TTLL5: variants seen among roughly 807,000 people sequenced by gnomAD.
The protein encoded by TTLL5 is tubulin polyglutamylase TTLL5.
TTLL5 carries 132 observed loss-of-function variants against 168.4 expected under a neutral mutation model. The ratio of observed to expected loss-of-function variants is 0.78; its 90% CI spans 0.68 to 0.91. The LOEUF (loss-of-function observed/expected upper bound fraction) is 0.91. TTLL5 is among the 40% of genes least tolerant of loss of function. TTLL5 has a pLI of 0.00. For missense variants in TTLL5, 1,545 were observed against 1,581.5 expected, an observed-to-expected ratio of 0.98 and a Z score of 0.39; for synonymous variants, 546 against 558.6, an observed-to-expected ratio of 0.98 and a Z score of 0.32.
chr14:75,864,527 A>C (rs1318765010), intron 29 of TTLL5, among the ~76,000 whole-genome samples: 3 of 152,162 alleles, frequency 2.0e-5, no homozygotes, highest in Non-Finnish European at 4.4e-5. Context: ...ACTGTCTATA[A>C]AATGCCAGAA....
At chr14:75,745,009 T>G in intron 15 of TTLL5, 86 bp from the exon 16 acceptor site, 1 of 1,031,188 alleles carries the variant, frequency 9.7e-7, no homozygotes, top group African/African-American at 1.6e-5. Context: ...AGAAAAATAA[T>G]GATGTTGAGG....
chr14:75,664,101 A>C (rs752840153), intron 2 of TTLL5, among the ~76,000 whole-genome samples: 1 of 152,074 alleles, frequency 6.6e-6, no homozygotes, highest in Non-Finnish European at 1.5e-5. Flanking sequence ...AAAAAAAAGA[A>C]TGATAATGAT....
rs191858255 is a variant in TTLL5 at position 75,745,322 on chromosome 14, T to C, written c.1395+114T>C. On this transcript the variant is annotated intron_variant, in intron 16 of 31. Coordinates refer to ENST00000298832, the MANE Select transcript of TTLL5 (RefSeq NM_015072.5). ...ATGTCTTACATTGAAAAGAGAAAGATTCAAGATTGGAGAAATGTTTTCTCA... is the reference window on the plus strand; with the variant it reads ...ATGTCTTACATTGAAAAGAGAAAGACTCAAGATTGGAGAAATGTTTTCTCA... 349 of 1,240,650 alleles carry C rather than the reference T, an allele frequency of 2.8e-4. No individual in the cohort carries two copies. In the African/African-American group the frequency reaches 4.9e-3, roughly 17 times the overall value. The allele number at this position is 1,240,650 out of a possible 1,614,324, so 76.9% of individuals were successfully genotyped here. A position where few individuals can be genotyped will look rare whatever the true frequency, so the allele number is the denominator to read the frequency against.
intron 3 of TTLL5, 76 bp downstream of exon 3, chr14:75,669,598 C>T: frequency 1.6e-6 from 2 of 1,263,460 alleles, no homozygotes; most frequent in East Asian, 2.4e-5. Flanking sequence ...GTTGATATGA[C>T]ATATATATAG....
chr14:75,904,895 C>G (rs974224169), intron 31 of TTLL5, among the ~76,000 whole-genome samples: 1 of 152,120 alleles, frequency 6.6e-6, no homozygotes, highest in African/African-American at 2.4e-5. Flanking sequence ...TCTATACTTC[C>G]CAATGAACAT....
At chr14:75,846,222 T>A (rs969774043) in intron 28 of TTLL5, among the ~76,000 whole-genome samples, 6 of 152,186 alleles carry the variant, frequency 3.9e-5, no homozygotes, top group African/African-American at 1.4e-4. Context: ...CTTATTTTTT[T>A]AAATAGATAT....
At chr14:75,906,864 T>G (rs1303805102) in intron 31 of TTLL5, among the ~76,000 whole-genome samples, 1 of 152,200 alleles carries the variant, frequency 6.6e-6, no homozygotes, top group Non-Finnish European at 1.5e-5. Flanking sequence ...AATAGTTTGC[T>G]CCTATAATGG....
In TTLL5 at chr14:75,732,335, T is replaced by C. The variant is rs751364673; in HGVS notation, c.1043-3T>C. On this transcript the variant is annotated splice_polypyrimidine_tract_variant and splice_region_variant and intron_variant, in intron 12 of 31. Coordinates refer to ENST00000298832, the MANE Select transcript of TTLL5 (RefSeq NM_015072.5). Reference sequence around the variant, plus strand: ...TGTGTATTGTGTTGTGTTGTATTTCTAGAACTCTATGGCTTTGACGTGCTC... The same window carrying C: ...TGTGTATTGTGTTGTGTTGTATTTCCAGAACTCTATGGCTTTGACGTGCTC... The C allele has an allele frequency of 4.3e-6, 7 of 1,613,252 alleles. No individual in the cohort carries two copies. Among genetic ancestry groups the C allele is most frequent in the South Asian group, 2.2e-5 (2 of 90,956 alleles).
Position 75,776,073 on chromosome 14 carries a change from G to A in TTLL5, c.2283+443G>A, listed in dbSNP as rs541738548. 3.5e-4 allele frequency among the ~76,000 whole-genome samples: 53 copies of A among 152,300 alleles called. No individual in the cohort carries two copies. The South Asian group carries it at 6.2e-3, about 18-fold the overall frequency. On this transcript the variant is annotated intron_variant, in intron 22 of 31. Coordinates refer to ENST00000298832, the MANE Select transcript of TTLL5 (RefSeq NM_015072.5). ...TACAGAATTTTACAGTCAAGCCCAA[G>A]AAATATACTATTTAATTAGAATATT...
intron 31 of TTLL5, among the ~76,000 whole-genome samples, chr14:75,919,207 AAAAAAAAAAAAAAAGG>A (rs2033732852): frequency 6.7e-6 from 1 of 149,714 alleles, no homozygotes; most frequent in Non-Finnish European, 1.5e-5. Flanking sequence ...CAAAAAAAAA[AAAAAAAAAAAAAAAGG>A]AAAAAGAAAA....
chr14:75,886,374 AT>A (rs1183367750), intron 30 of TTLL5, among the ~76,000 whole-genome samples: 1 of 152,186 alleles, frequency 6.6e-6, no homozygotes, highest in African/African-American at 2.4e-5. Context: ...TAAAGGTTTC[AT>A]TTTACCATCT....
intron 15 of TTLL5, 68 bp downstream of exon 15, chr14:75,735,357 G>A (rs1479131147): frequency 6.0e-6 from 9 of 1,490,686 alleles, no homozygotes; most frequent in Non-Finnish European, 8.4e-6. Context: ...TGTAACTGTG[G>A]GAGCAGAAGC....
intron 28 of TTLL5, among the ~76,000 whole-genome samples, chr14:75,860,132 G>A (rs913946253): frequency 3.3e-5 from 5 of 152,132 alleles, no homozygotes; most frequent in Admixed American, 1.3e-4. Context: ...GTTCCAGTCC[G>A]TTCAATATGT....
chr14:75,772,409 T>C (rs1891392090), intron 21 of TTLL5, among the ~76,000 whole-genome samples: 1 of 152,218 alleles, frequency 6.6e-6, no homozygotes, highest in Non-Finnish European at 1.5e-5. Flanking sequence ...TCTTTGAAAG[T>C]CATCACCTTA....
chr14:75,863,452 T>C (rs1428355676), intron 28 of TTLL5, among the ~76,000 whole-genome samples: 4 of 152,182 alleles, frequency 2.6e-5, no homozygotes, highest in Non-Finnish European at 5.9e-5. Context: ...TTATGATACG[T>C]GCTAGGAAAA....
intron 5 of TTLL5, 90 bp downstream of exon 5, chr14:75,683,746 G>C: frequency 1.0e-6 from 1 of 985,492 alleles, no homozygotes; most frequent in Non-Finnish European, 1.6e-6. Flanking sequence ...CCTTAAAGAA[G>C]AGGAAGATGA....
chr14:75,821,730 G>A lies in TTLL5; in HGVS notation c.3326+1569G>A, dbSNP rs149175129. Among the ~76,000 whole-genome samples the A allele has an allele frequency of 2.2e-3, 329 of 152,260 alleles. 1 individual carries two copies. Among genetic ancestry groups the A allele is most frequent in the African/African-American group, 7.5e-3 (311 of 41,542 alleles). On this transcript the variant is annotated intron_variant, in intron 28 of 31. Coordinates refer to ENST00000298832, the MANE Select transcript of TTLL5 (RefSeq NM_015072.5). ...GGTTAAGGATGTGCCAGGACCTAAG[G>A]TTCAGTACTGTGAGTGGCCTTCTCC...
intron 30 of TTLL5, 74 bp from the exon 31 acceptor site, chr14:75,902,068 C>A: frequency 7.7e-7 from 1 of 1,297,148 alleles, no homozygotes; most frequent in South Asian, 1.2e-5. Context: ...GAGCAAGAAG[C>A]GAAGCCATCA....
At chr14:75,737,572 G>A (rs996721887) in intron 15 of TTLL5, 15 of 1,535,602 alleles carry the variant, frequency 9.8e-6, no homozygotes, top group Middle Eastern at 1.7e-4. Context: ...ATAGCGTCCA[G>A]TATCTGCACA....
Sources: allele counts gnomAD v4.1 joint callset (sites outside exome capture counted in the v4.1 genomes callset), GRCh38; gene constraint gnomAD v4.1.1; transcripts MANE v1.5; gene names NCBI Gene and HGNC (gene_info 2026-07-23, HGNC 2026-07-21).